MYO5B: variants seen among roughly 807,000 people sequenced by gnomAD.
The protein encoded by MYO5B is unconventional myosin-Vb.
MYO5B carries 143 observed loss-of-function variants against 229.3 expected under a neutral mutation model. The ratio of observed to expected loss-of-function variants is 0.62; its 90% CI spans 0.54 to 0.72. The LOEUF is 0.72. MYO5B is among the 30% of genes least tolerant of loss of function. The pLI, the probability that MYO5B is intolerant of heterozygous loss-of-function variation, is 0.00. For synonymous variants in MYO5B, 918 were observed against 885.2 expected, an observed-to-expected ratio of 1.04 and a Z score of -0.66; for missense variants, 2,321 against 2,331.0, an observed-to-expected ratio of 1.00 and a Z score of 0.09.
In MYO5B at chr18:49,826,282, T is replaced by TG; in HGVS notation, c.*188dup. ...TTCCATATTTCAAGTGTTTTTATTCTGAGCAGTAGGTACAAAAAATAATGA... is the reference window on the plus strand; with the variant it reads ...TTCCATATTTCAAGTGTTTTTATTCTGGAGCAGTAGGTACAAAAAATAATGA... On this transcript the variant is annotated 3_prime_UTR_variant, in exon 40 of 40. Coordinates refer to ENST00000285039, the MANE Select transcript of MYO5B (RefSeq NM_001080467.3). 1 of 678,066 alleles carries TG rather than the reference T, an allele frequency of 1.5e-6. No homozygotes were observed. Among genetic ancestry groups the TG allele is most frequent in the Non-Finnish European group, 2.5e-6 (1 of 405,730 alleles). 42.0% of individuals were successfully genotyped at this position (678,066 alleles called of 1,614,324 possible). A position where few individuals can be genotyped will look rare whatever the true frequency, so the allele number is the denominator to read the frequency against.
intron 1 of MYO5B, among the ~76,000 whole-genome samples, chr18:50,149,894 C>T (rs1175352372): frequency 8.2e-5 from 12 of 147,076 alleles, no homozygotes; most frequent in Non-Finnish European, 1.5e-4. Flanking sequence ...AGTGAACAGG[C>T]AACCTACAAA....
At chr18:50,100,874 A>C (rs559988933) in intron 1 of MYO5B, among the ~76,000 whole-genome samples, 8 of 152,332 alleles carry the variant, frequency 5.3e-5, no homozygotes, top group African/African-American at 1.9e-4. Flanking sequence ...GCATCACCCG[A>C]AACTGCAGTT....
At position 49,841,426 on chromosome 18, in the gene MYO5B, G is replaced by A. The variant is rs1290326169; in HGVS notation, c.4640C>T (p.Ser1547Leu). The A allele has an allele frequency of 6.2e-7, 1 of 1,614,088 alleles. No homozygotes were observed. Among genetic ancestry groups the A allele is most frequent in the South Asian group, 1.1e-5 (1 of 91,082 alleles). Residue 1547 changes from serine (S) to leucine (L), a missense_variant, in exon 35 of 40, where the codon TCA becomes TTA. Physicochemically the swap from Ser to Leu is moderately radical, Grantham distance 145. Transcript: ENST00000285039. ...GCGGCAGGTGTTGGATAACCAGAATGACGTCATCTCAAAGTCATCATTGTG... is the reference window on the plus strand; with the variant it reads ...GCGGCAGGTGTTGGATAACCAGAATAACGTCATCTCAAAGTCATCATTGTG... ...KKHNDDFEMT[S>L]FWLSNTCRLL...
intron 1 of MYO5B, among the ~76,000 whole-genome samples, chr18:50,103,445 T>C (rs1470167510): frequency 1.3e-5 from 2 of 152,182 alleles, no homozygotes; most frequent in Non-Finnish European, 2.9e-5. Flanking sequence ...TTTTTTCTTT[T>C]CCTTTATAAA....
chr18:49,988,077 C>G (rs2025891054), intron 7 of MYO5B, among the ~76,000 whole-genome samples: 1 of 152,188 alleles, frequency 6.6e-6, no homozygotes, highest in South Asian at 2.1e-4. Context: ...AATCTGCACC[C>G]TCCATTCTCA....
At chr18:50,157,693 G>A (rs114196437) in intron 1 of MYO5B, among the ~76,000 whole-genome samples, 39 of 152,228 alleles carry the variant, frequency 2.6e-4, no homozygotes, top group African/African-American at 8.2e-4. Context: ...ATGTGGCCCC[G>A]TTAGTCTTGC....
chr18:50,035,027 C>A (rs775078818), intron 4 of MYO5B, among the ~76,000 whole-genome samples: 1 of 152,204 alleles, frequency 6.6e-6, no homozygotes, highest in Non-Finnish European at 1.5e-5. Context: ...CAGACTCCCA[C>A]ACGTCCTCTT....
intron 27 of MYO5B, among the ~76,000 whole-genome samples, chr18:49,866,099 C>T (rs1028665705): frequency 1.8e-4 from 27 of 152,190 alleles, no homozygotes; most frequent in Non-Finnish European, 2.4e-4. Context: ...GATGTAGTTT[C>T]GCTCTGTCGC....
intron 1 of MYO5B, among the ~76,000 whole-genome samples, chr18:50,096,662 C>T (rs1341585873): frequency 6.6e-6 from 1 of 152,342 alleles, no homozygotes; most frequent in African/African-American, 2.4e-5. Flanking sequence ...CTTGCCCCAG[C>T]ACCAGTCTGT....
intron 1 of MYO5B, among the ~76,000 whole-genome samples, chr18:50,116,862 A>C (rs541573320): frequency 6.6e-6 from 1 of 151,950 alleles, no homozygotes; most frequent in East Asian, 1.9e-4. Flanking sequence ...AAAAAAACCA[A>C]AAAACAAAAA....
chr18:50,194,655 T>C (rs2033276378), intron 1 of MYO5B, 112 bp downstream of exon 1: 4 of 704,696 alleles, frequency 5.7e-6, no homozygotes, highest in Middle Eastern at 3.8e-4. Flanking sequence ...CGGAGGGGGG[T>C]CTCCCGTCAC....
At chr18:49,884,766 G>A (rs1006065686) in intron 22 of MYO5B, among the ~76,000 whole-genome samples, 2 of 152,090 alleles carry the variant, frequency 1.3e-5, no homozygotes, top group African/African-American at 2.4e-5. Flanking sequence ...CATAGCATGA[G>A]TATATAAAAA....
intron 2 of MYO5B, among the ~76,000 whole-genome samples, chr18:50,040,975 C>G (rs1255052146): frequency 1.3e-5 from 2 of 152,146 alleles, no homozygotes; most frequent in Non-Finnish European, 2.9e-5. Context: ...TGTTCATTGA[C>G]AGGATACATT....
intron 39 of MYO5B, among the ~76,000 whole-genome samples, chr18:49,834,976 T>C (rs1378438950): frequency 6.6e-6 from 1 of 152,210 alleles, no homozygotes; most frequent in Non-Finnish European, 1.5e-5. Context: ...AGAGCTCAAA[T>C]TGCTTTCTTT....
chr18:49,888,020 A>T (rs2024664643), intron 22 of MYO5B, among the ~76,000 whole-genome samples: 1 of 152,154 alleles, frequency 6.6e-6, no homozygotes, highest in African/African-American at 2.4e-5. Flanking sequence ...AGAACAGTCT[A>T]ATATAGTAGT....
At chr18:50,183,860 CT>C (rs2033111247) in intron 1 of MYO5B, among the ~76,000 whole-genome samples, 1 of 152,046 alleles carries the variant, frequency 6.6e-6, no homozygotes, top group Admixed American at 6.5e-5. Flanking sequence ...ATTCGTTCTC[CT>C]GGGAATGGAT....
intron 13 of MYO5B, 30 bp from the exon 14 acceptor site, chr18:49,953,373 A>AG (rs2025450603): frequency 6.3e-7 from 1 of 1,593,094 alleles, no homozygotes; most frequent in African/African-American, 1.3e-5. Flanking sequence ...AGAGAGACAC[A>AG]GTCGTTAGTG....
chr18:50,135,282 G>A (rs1245368707), intron 1 of MYO5B, among the ~76,000 whole-genome samples: 1 of 152,182 alleles, frequency 6.6e-6, no homozygotes, highest in African/African-American at 2.4e-5. Flanking sequence ...TTGCTTTGAG[G>A]TTTTTCAAGA....
At chr18:50,097,484 A>G (rs1260165006) in intron 1 of MYO5B, 2 of 328,496 alleles carry the variant, frequency 6.1e-6, no homozygotes, top group African/African-American at 4.3e-5. Context: ...AGAAGTTCCA[A>G]ACTTCTTGAG....
Sources: allele counts gnomAD v4.1 joint callset (sites outside exome capture counted in the v4.1 genomes callset), GRCh38; gene constraint gnomAD v4.1.1; transcripts MANE v1.5; gene names NCBI Gene and HGNC (gene_info 2026-07-23, HGNC 2026-07-21).